AGBL2: variants seen among roughly 807,000 people sequenced by gnomAD.
The protein encoded by AGBL2 is cytosolic carboxypeptidase 2.
A neutral mutation model predicts 103.0 loss-of-function variants in AGBL2; 87 were observed. That is an observed-to-expected ratio of 0.84 (90% CI 0.71 to 1.01). The LOEUF is 1.01. Among genes scored for constraint, AGBL2 ranks in the 50% least tolerant of loss-of-function variants. AGBL2 has a pLI of 0.00. For missense variants in AGBL2, 904 were observed against 1,023.5 expected (o/e 0.88, Z 1.59); for synonymous variants, 335 against 356.7 (o/e 0.94, Z 0.69).
intron 11 of AGBL2, among the ~76,000 whole-genome samples, chr11:47,684,808 C>T (rs1021485438): frequency 9.2e-5 from 14 of 152,072 alleles, no homozygotes; most frequent in Admixed American, 6.6e-4. Flanking sequence ...TAGTATATAA[C>T]CTTTCCTATG....
chr11:47,699,620 T>C, intron 7 of AGBL2, 67 bp from the exon 8 acceptor site: 2 of 810,360 alleles, frequency 2.5e-6, no homozygotes, highest in South Asian at 2.0e-5. Flanking sequence ...AGAACTAATA[T>C]AAAATAATAA....
rs533201168 is a variant in AGBL2, at chr11:47,702,577, G to T, written c.586+1966C>A. On this transcript the variant is annotated intron_variant, in intron 7 of 18. Coordinates refer to ENST00000525123, the MANE Select transcript of AGBL2 (RefSeq NM_024783.4). Reference sequence around the variant, plus strand: ...ACGAATATTATAAAGCAGGGAGACAGAAAATGAGGAACATCCAGCTGGGTG... The same window carrying T: ...ACGAATATTATAAAGCAGGGAGACATAAAATGAGGAACATCCAGCTGGGTG... Among the ~76,000 whole-genome samples the T allele has an allele frequency of 5.9e-5, 9 of 152,252 alleles. No individual in the cohort carries two copies. In the South Asian group the frequency reaches 8.3e-4, roughly 14 times the overall value.
At position 47,699,496 on chromosome 11, in the gene AGBL2, G is replaced by C; in HGVS notation, c.644C>G (p.Pro215Arg). 3.7e-6 allele frequency: 6 copies of C among 1,609,906 alleles called. No individual in the cohort carries two copies. The South Asian group carries it at 5.5e-5, about 15-fold the overall frequency. ...TCCTTTTTTCTCTCCTACAATCTCT[G>C]GTACCTTTTCATTTCCTTTAGGCTG... ...FYQPKGNEKV[P>R]EIVGEKKGTV... Residue 215 changes from proline (P) to arginine (R), a missense_variant, in exon 8 of 19, where the codon CCA (proline) becomes CGA (arginine). Pro to Arg is a moderately radical substitution (Grantham distance 103). Coordinates refer to ENST00000525123, the MANE Select transcript of AGBL2 (RefSeq NM_024783.4).
At chr11:47,711,002 A>G (rs185655147) in intron 3 of AGBL2, 3 of 364,632 alleles carry the variant, frequency 8.2e-6, no homozygotes. Flanking sequence ...AAGGGTTCCA[A>G]CCCTCAATAA....
chr11:47,683,862 G>A (rs1057352288), intron 11 of AGBL2, among the ~76,000 whole-genome samples: 10 of 149,676 alleles, frequency 6.7e-5, no homozygotes, highest in East Asian at 2.0e-4. Context: ...GTGGTGAGGC[G>A]GGAGAGTTGC....
At position 47,689,941 on chromosome 11, in the gene AGBL2, C is replaced by G. The variant is rs1215392733; in HGVS notation, c.1631+135G>C. The G allele has an allele frequency of 5.8e-6, 4 of 690,074 alleles. No individual in the cohort carries two copies. In the African/African-American group the frequency reaches 7.4e-5, roughly 13 times the overall value. The allele number at this position is 690,074 out of a possible 1,614,324, so 42.7% of individuals were successfully genotyped here. ...ACAAAGTCACTTGACTACAAAGAGACTGGTAAGGGCTCTGTCTCCAAAGTC... is the reference window on the plus strand; with the variant it reads ...ACAAAGTCACTTGACTACAAAGAGAGTGGTAAGGGCTCTGTCTCCAAAGTC... On this transcript the variant is annotated intron_variant, in intron 10 of 18. Coordinates refer to ENST00000525123, the MANE Select transcript of AGBL2 (RefSeq NM_024783.4).
chr11:47,686,427 C>A (rs917133075), intron 10 of AGBL2, among the ~76,000 whole-genome samples: 2 of 151,228 alleles, frequency 1.3e-5, no homozygotes, highest in Admixed American at 1.3e-4. Flanking sequence ...CACCAATACA[C>A]CCAGCTATTT....
chr11:47,709,384 G>C (rs1290152442), intron 4 of AGBL2, among the ~76,000 whole-genome samples: 1 of 151,334 alleles, frequency 6.6e-6, no homozygotes, highest in South Asian at 2.1e-4. Flanking sequence ...GATAAGCAGG[G>C]GGGGTTGTAG....
Position 47,714,356 on chromosome 11 carries a change from G to A in AGBL2, c.34-9C>T, listed in dbSNP as rs369462334. ...TAAGGATCAGGAATAGTCTGTGAAA[G>A]GAAAGGCCACTTCAATCAAGATAAT... On this transcript the variant is annotated splice_polypyrimidine_tract_variant and intron_variant, in intron 2 of 18. Coordinates refer to ENST00000525123, the MANE Select transcript of AGBL2 (RefSeq NM_024783.4). 1.3e-4 allele frequency: 204 copies of A among 1,610,996 alleles called. No individual in the cohort carries two copies. Among genetic ancestry groups the A allele is most frequent in the Non-Finnish European group, 1.6e-4 (190 of 1,177,906 alleles).
At chr11:47,695,497 A>T (rs1055183086) in intron 8 of AGBL2, among the ~76,000 whole-genome samples, 1 of 128,798 alleles carries the variant, frequency 7.8e-6, no homozygotes, top group Non-Finnish European at 1.7e-5. Flanking sequence ...AAAAAAAAAC[A>T]GTTGAGGGGA....
chr11:47,677,392 A>C lies in AGBL2; in HGVS notation c.2026T>G (p.Cys676Gly). The C allele has an allele frequency of 1.3e-6, 2 of 1,535,310 alleles. No individual in the cohort carries two copies. The highest frequency in any genetic ancestry group is 1.7e-6 in the Non-Finnish European group (2 of 1,144,308). Residue 676 changes from cysteine to glycine, a missense_variant, in exon 14 of 19, where the codon TGT (cysteine) becomes GGT (glycine). Cys to Gly is a radical substitution (Grantham distance 159). Coordinates refer to ENST00000525123, the MANE Select transcript of AGBL2 (RefSeq NM_024783.4). Reference sequence around the variant, plus strand: ...AAAAGCTCCTTAAGCTCTGCTAGACACTGAGTGAACTATGAAAGTGAAAAA... The same window carrying C: ...AAAAGCTCCTTAAGCTCTGCTAGACCCTGAGTGAACTATGAAAGTGAAAAA... ...CDPDQMKFTQ[C>G]LAELKELLRQ...
At chr11:47,681,943 C>T in intron 12 of AGBL2, 26 bp downstream of exon 12, 1 of 1,608,158 alleles carries the variant, frequency 6.2e-7, no homozygotes, top group Non-Finnish European at 8.5e-7. Flanking sequence ...CCTATGCTGG[C>T]CTATGATATA....
At chr11:47,667,124 C>T (rs2097343367) in intron 16 of AGBL2, 61 bp from the exon 17 acceptor site, 3 of 1,171,628 alleles carry the variant, frequency 2.6e-6, no homozygotes, top group Non-Finnish European at 3.6e-6. Context: ...ATCCAATTTA[C>T]CCAACAGCAA....
intron 18 of AGBL2, among the ~76,000 whole-genome samples, chr11:47,661,916 T>G (rs1019534159): frequency 6.6e-6 from 1 of 151,804 alleles, no homozygotes; most frequent in African/African-American, 2.4e-5. Flanking sequence ...ACCTGGCTAA[T>G]TTTTTGGTTT....
intron 3 of AGBL2, among the ~76,000 whole-genome samples, chr11:47,713,836 G>A (rs1442608586): frequency 6.6e-6 from 1 of 151,844 alleles, no homozygotes; most frequent in Non-Finnish European, 1.5e-5. Flanking sequence ...TGCTCCACCC[G>A]TCTCGGCCTC....
chr11:47,689,466 G>A (rs917939484), intron 10 of AGBL2, among the ~76,000 whole-genome samples: 14 of 151,878 alleles, frequency 9.2e-5, no homozygotes, highest in Non-Finnish European at 2.1e-4. Flanking sequence ...CAGCACGCCT[G>A]GCTAATTTTT....
intron 14 of AGBL2, among the ~76,000 whole-genome samples, chr11:47,675,632 G>C (rs548154103): frequency 1.5e-4 from 23 of 151,786 alleles, no homozygotes; most frequent in African/African-American, 5.3e-4. Context: ...CAAGTGATCC[G>C]CCTGCCTTGG....
chr11:47,668,981 C>A, intron 14 of AGBL2, 74 bp from the exon 15 acceptor site: 1 of 1,005,066 alleles, frequency 9.9e-7, no homozygotes, highest in Non-Finnish European at 1.6e-6. Flanking sequence ...TTTACCAGAC[C>A]AGCTGTATGG....
At position 47,667,057 on chromosome 11, in the gene AGBL2, C is replaced by A. The variant is rs938948839; in HGVS notation, c.2347G>T (p.Ala783Ser). The change falls in exon 17 of 19, where the codon GCA becomes TCA. Residue 783 changes from alanine to serine, a missense_variant. By Grantham distance (99) the Ala-to-Ser change is moderately conservative. Transcript: ENST00000525123. ...TTTTGCAGAGTAGAAGCAAATCCTG[C>A]CTTTTCCTAGGATTGAGTGAAAAGA... ...LKLTEDTSEKAGFASTLQKQP... is the reference protein window; with the variant it reads ...LKLTEDTSEKSGFASTLQKQP... 2 of 1,597,842 alleles carry A rather than the reference C, an allele frequency of 1.3e-6. No homozygotes were observed. Among genetic ancestry groups the A allele is most frequent in the Middle Eastern group, 1.7e-4 (1 of 5,990 alleles).
Sources: gnomAD v4.1 joint callset for allele counts (sites outside exome capture counted in the v4.1 genomes callset) on GRCh38, gnomAD v4.1.1 for gene constraint, MANE v1.5 for transcripts, NCBI Gene and HGNC (gene_info 2026-07-23, HGNC 2026-07-21) for gene names.